Variants in TNFSF11 observed in about 807,000 individuals in gnomAD.
TNFSF11 encodes tumor necrosis factor ligand superfamily member 11.
TNFSF11 carries 12 observed loss-of-function variants against 32.2 expected under a neutral mutation model. The ratio of observed to expected loss-of-function variants is 0.37; its 90% confidence interval spans 0.24 to 0.60. The LOEUF (loss-of-function observed/expected upper bound fraction) is 0.60. Ranked by LOEUF, TNFSF11 falls within the 20% of genes least tolerant of loss-of-function variation. The probability of loss-of-function intolerance (pLI) is 0.66; values close to 1 mark genes in which losing one functional copy is unlikely to be tolerated. For synonymous variants in TNFSF11, 172 were observed against 152.1 expected (o/e 1.13, Z -0.96); for missense variants, 345 against 398.0 (o/e 0.87, Z 1.13).
At position 42,606,178 on chromosome 13, in the gene TNFSF11, GAGTT is replaced by G. The variant is rs1358539710; in HGVS notation, c.533-317_533-314del. Reference sequence around the variant, plus strand: ...CTCTCCGTCCTTTGAGCTCCCATGGGAGTTACTGAACCTTGCCTATTGTTACTCA... The same window carrying G: ...CTCTCCGTCCTTTGAGCTCCCATGGGACTGAACCTTGCCTATTGTTACTCA... On this transcript the variant is annotated intron_variant, in intron 4 of 4. Coordinates refer to ENST00000398795, the MANE Select transcript of TNFSF11 (RefSeq NM_003701.4). Among the ~76,000 whole-genome samples, 3 of 152,268 alleles carry G rather than the reference GAGTT, an allele frequency of 2.0e-5. No homozygotes were observed. In the East Asian group the frequency reaches 5.8e-4, roughly 29 times the overall value.
intron 2 of TNFSF11, among the ~76,000 whole-genome samples, chr13:42,584,279 A>G (rs750954107): frequency 6.6e-6 from 1 of 152,236 alleles, no homozygotes; most frequent in Non-Finnish European, 1.5e-5. Flanking sequence ...TTAATATAAT[A>G]CAACATTACT....
Position 42,581,206 on chromosome 13 carries a change from A to C in TNFSF11, c.300A>C (p.Gln100His). 6.2e-7 allele frequency: 1 copy of C among 1,614,112 alleles called. No homozygotes were observed. Among genetic ancestry groups the C allele is most frequent in the East Asian group, 2.2e-5 (1 of 44,864 alleles). ...GACTCCATGAAAATGCAGATTTTCA[A>C]GACACAACTCTGGAGAGTCAAGATA... Reference protein sequence around the residue: ...ILRLHENADFQDTTLESQDTK... With the variant: ...ILRLHENADFHDTTLESQDTK... Residue 100 changes from glutamine to histidine, a missense_variant, in exon 2 of 5, where the codon CAA (glutamine) becomes CAC (histidine). This residue lies in a region of TNFSF11 where 197 missense variants were observed against 182.0 expected (regional missense o/e 1.08). Transcript: ENST00000398795.
At chr13:42,572,911 G>A (rs1873121657), upstream of TNFSF11, among the ~76,000 whole-genome samples, 1 of 152,160 alleles carries the variant, frequency 6.6e-6, no homozygotes, top group Non-Finnish European at 1.5e-5. Flanking sequence ...GATATCCATG[G>A]AAGACTGGTT....
At chr13:42,574,079 G>A, upstream of TNFSF11, 1 of 581,466 alleles carries the variant, frequency 1.7e-6, no homozygotes, top group Admixed American at 3.1e-5. Context: ...AGGCAGCCTC[G>A]CCTGGGGCTG....
chr13:42,574,367 C>A lies in TNFSF11; in HGVS notation c.64C>A (p.Pro22Thr), dbSNP rs1873196165. Reference protein sequence around the residue: ...LRGSEEMGGGPGAPHEGPLHA... With the variant: ...LRGSEEMGGGTGAPHEGPLHA... ...TGGCTCGGAGGAGATGGGCGGCGGC[C>A]CCGGAGCCCCGCACGAGGGCCCCCT... Residue 22 changes from proline to threonine, a missense_variant, in exon 1 of 5, where the codon CCC (proline) becomes ACC (threonine). Pro to Thr is a conservative substitution (Grantham distance 38). Coordinates refer to ENST00000398795, the MANE Select transcript of TNFSF11 (RefSeq NM_003701.4). 6 of 1,542,122 alleles carry A rather than the reference C, an allele frequency of 3.9e-6. No homozygotes were observed. In the East Asian group the frequency reaches 1.2e-4, roughly 32 times the overall value.
At chr13:42,598,840 A>G (rs1868967028) in intron 2 of TNFSF11, among the ~76,000 whole-genome samples, 2 of 152,246 alleles carry the variant, frequency 1.3e-5, no homozygotes, top group Middle Eastern at 3.2e-3. Context: ...TGTGTTATCT[A>G]TAAGTCTGTT....
chr13:42,588,563 T>C (rs4465508), intron 2 of TNFSF11, among the ~76,000 whole-genome samples: 1 of 152,212 alleles, frequency 6.6e-6, no homozygotes, highest in Non-Finnish European at 1.5e-5. Flanking sequence ...GATTGGATTG[T>C]TCTACCAGCA....
chr13:42,581,379 T>G, intron 2 of TNFSF11, 86 bp downstream of exon 2: 1 of 1,408,330 alleles, frequency 7.1e-7, no homozygotes, highest in Admixed American at 1.8e-5. Context: ...TGCTGTTGAC[T>G]CTGCTCTTTT....
chr13:42,563,864 T>G (rs1343901523), intron 1 of TNFSF11, among the ~76,000 whole-genome samples: 1 of 152,172 alleles, frequency 6.6e-6, no homozygotes, highest in Non-Finnish European at 1.5e-5. Context: ...AGTCAATGAG[T>G]TAATGTCTTT....
chr13:42,605,298 C>T (rs993698399), intron 4 of TNFSF11, among the ~76,000 whole-genome samples: 1 of 152,212 alleles, frequency 6.6e-6, no homozygotes. Flanking sequence ...GTCTGAGACT[C>T]AACTCTGCTT....
In TNFSF11 at chr13:42,574,318, C is replaced by T; in HGVS notation, c.15C>T (p.Ser5=). The T allele has an allele frequency of 6.5e-7, 1 of 1,547,112 alleles. No homozygotes were observed. Among genetic ancestry groups the T allele is most frequent in the Non-Finnish European group, 8.7e-7 (1 of 1,146,324 alleles). ...GGCCGAGCGCCATGCGCCGCGCCAG[C>T]AGAGACTACACCAAGTACCTGCGTG... MRRA[S]RDYTKYLRGS... is the part of the protein sequence containing the mutation. Residue 5 remains serine (S), a synonymous_variant, in exon 1 of 5, where the codon AGC becomes AGT. Transcript: ENST00000398795.
At chr13:42,592,440 T>C (rs904427007) in intron 2 of TNFSF11, among the ~76,000 whole-genome samples, 6 of 152,216 alleles carry the variant, frequency 3.9e-5, no homozygotes, top group Admixed American at 3.9e-4. Context: ...ATGGAAGAGA[T>C]GCTTAGGGCC....
intron 2 of TNFSF11, among the ~76,000 whole-genome samples, chr13:42,596,827 T>G (rs1223283280): frequency 6.6e-6 from 1 of 152,260 alleles, no homozygotes; most frequent in Admixed American, 6.5e-5. Flanking sequence ...TGCTTCTCAA[T>G]ACCTGCTACA....
At chr13:42,606,424 C>G in intron 4 of TNFSF11, 73 bp from the exon 5 acceptor site, 1 of 1,578,444 alleles carries the variant, frequency 6.3e-7, no homozygotes, top group Non-Finnish European at 8.7e-7. Flanking sequence ...TTCTCCCTAA[C>G]CTCATAGAAT....
intron 4 of TNFSF11, among the ~76,000 whole-genome samples, chr13:42,603,538 C>T (rs763789682): frequency 1.6e-4 from 24 of 152,180 alleles, no homozygotes; most frequent in Middle Eastern, 3.2e-3. Flanking sequence ...TTCCCCCATA[C>T]GTGCCATGCA....
intron 2 of TNFSF11, among the ~76,000 whole-genome samples, chr13:42,593,004 G>A (rs1440778424): frequency 6.6e-6 from 1 of 152,026 alleles, no homozygotes. Context: ...ACCCAGTCTT[G>A]GCCAGTTCTT....
intron 2 of TNFSF11, among the ~76,000 whole-genome samples, chr13:42,591,574 A>T (rs1868479021): frequency 1.3e-5 from 2 of 152,156 alleles, no homozygotes; most frequent in African/African-American, 2.4e-5. Context: ...CTGCTCTTAA[A>T]GTTCTTTGCT....
chr13:42,581,085 G>C, intron 1 of TNFSF11, 41 bp from the exon 2 acceptor site: 1 of 1,608,516 alleles, frequency 6.2e-7, no homozygotes, highest in Non-Finnish European at 8.5e-7. Context: ...AGGATGACTA[G>C]TGATAAGCAC....
intron 2 of TNFSF11, among the ~76,000 whole-genome samples, chr13:42,582,086 C>A (rs568663362): frequency 9.2e-5 from 14 of 152,350 alleles, no homozygotes; most frequent in East Asian, 1.9e-4. Context: ...CATGCATCCA[C>A]TTCTACATCC....
Sources: allele counts gnomAD v4.1 joint callset (sites outside exome capture counted in the v4.1 genomes callset), GRCh38; gene constraint gnomAD v4.1.1; regional missense constraint gnomAD v4.1.1; transcripts MANE v1.5; gene names NCBI Gene and HGNC (gene_info 2026-07-23, HGNC 2026-07-21).